FGF18: variants seen among roughly 807,000 people sequenced by gnomAD.
The protein encoded by FGF18 is fibroblast growth factor 18.
FGF18 carries 5 observed loss-of-function variants against 23.0 expected under a neutral mutation model. The observed-to-expected ratio is 0.22, with a 90% CI of 0.11 to 0.46. The LOEUF is 0.46. FGF18 is among the 20% of genes least tolerant of loss of function. The pLI, the probability that FGF18 is intolerant of heterozygous loss-of-function variation, is 0.99. For missense variants in FGF18, 180 were observed against 291.6 expected (o/e 0.62, Z 2.79); for synonymous variants, 117 against 118.9 (o/e 0.98, Z 0.10).
chr5:171,441,288 C>A (rs1470338152), intron 3 of FGF18, among the ~76,000 whole-genome samples: 1 of 152,180 alleles, frequency 6.6e-6, no homozygotes, highest in Non-Finnish European at 1.5e-5. Flanking sequence ...CATGTTCCTG[C>A]ACAGCTCAGA....
At chr5:171,446,955 C>T (rs913561995) in intron 3 of FGF18, among the ~76,000 whole-genome samples, 2 of 152,014 alleles carry the variant, frequency 1.3e-5, no homozygotes, top group African/African-American at 4.8e-5. Context: ...TGCTCCTCCA[C>T]CCTTGCAGAC....
chr5:171,420,773 G>C (rs1022503748), intron 2 of FGF18, among the ~76,000 whole-genome samples: 1 of 152,254 alleles, frequency 6.6e-6, no homozygotes, highest in Non-Finnish European at 1.5e-5. Context: ...GCCAGCGAGG[G>C]GTAGGACCTA....
In FGF18 at chr5:171,456,429, G is replaced by A; in HGVS notation, c.358-110G>A. On this transcript the variant is annotated intron_variant, in intron 4 of 4. Transcript: ENST00000274625. The surrounding 1 kb of genome is among the most constrained non-coding windows in gnomAD (Gnocchi z 6.1). ...TCCCCCACTGCAAAACTTCATTACAGTTGTCCCTACAACAATCGCAATGGT... is the reference window on the plus strand; with the variant it reads ...TCCCCCACTGCAAAACTTCATTACAATTGTCCCTACAACAATCGCAATGGT... 9.1e-7 allele frequency: 1 copy of A among 1,101,238 alleles called. No homozygotes were observed. Among genetic ancestry groups the A allele is most frequent in the Non-Finnish European group, 1.3e-6 (1 of 770,422 alleles). The allele number at this position is 1,101,238 out of a possible 1,614,324, so 68.2% of individuals were successfully genotyped here.
At chr5:171,454,471 C>T (rs1468519484) in intron 4 of FGF18, among the ~76,000 whole-genome samples, 6 of 152,196 alleles carry the variant, frequency 3.9e-5, no homozygotes, top group African/African-American at 9.7e-5. Flanking sequence ...AGTAGACCTT[C>T]GCTGCTCACG....
chr5:171,442,841 C>T (rs948373704), intron 3 of FGF18, among the ~76,000 whole-genome samples: 9 of 152,206 alleles, frequency 5.9e-5, no homozygotes, highest in African/African-American at 1.9e-4. Flanking sequence ...TGGGATTAGT[C>T]AACCAATCAA....
intron 4 of FGF18, among the ~76,000 whole-genome samples, chr5:171,452,321 A>G (rs1364164191): frequency 1.3e-5 from 2 of 151,884 alleles, no homozygotes; most frequent in Non-Finnish European, 2.9e-5. Flanking sequence ...TCCAGTGCCA[A>G]CTCCTTTGGA....
At chr5:171,425,918 C>T (rs1310606554) in intron 2 of FGF18, among the ~76,000 whole-genome samples, 4 of 152,112 alleles carry the variant, frequency 2.6e-5, no homozygotes, top group Non-Finnish European at 4.4e-5. Context: ...AGAGAGGCAC[C>T]GGTGCATAAA....
chr5:171,439,604 C>T (rs984169206), intron 3 of FGF18, among the ~76,000 whole-genome samples: 2 of 152,142 alleles, frequency 1.3e-5, no homozygotes, highest in African/African-American at 4.8e-5. Flanking sequence ...GAGCATCTTG[C>T]AGGGCTGGGG....
At chr5:171,426,311 G>A (rs1269150784) in intron 2 of FGF18, among the ~76,000 whole-genome samples, 2 of 152,244 alleles carry the variant, frequency 1.3e-5, no homozygotes, top group East Asian at 1.9e-4. Flanking sequence ...CTGTGGGAGG[G>A]GAGGTGTTGA....
At chr5:171,420,670 C>A (rs1771991576) in intron 2 of FGF18, among the ~76,000 whole-genome samples, 1 of 152,174 alleles carries the variant, frequency 6.6e-6, no homozygotes, top group Non-Finnish European at 1.5e-5. Context: ...CGCTGGCTGT[C>A]GCGGCCACTG....
chr5:171,437,619 C>T (rs1042972528), intron 3 of FGF18, among the ~76,000 whole-genome samples: 1 of 152,238 alleles, frequency 6.6e-6, no homozygotes, highest in African/African-American at 2.4e-5. Flanking sequence ...TCCCTCCTCC[C>T]CACCTCTCCC....
chr5:171,430,494 A>G lies in FGF18; in HGVS notation c.70-5599A>G, dbSNP rs538765930. Reference sequence around the variant, plus strand: ...CCTGATTAAGAAACAAAACTAAACTAAAGAAAAAAGAGGGCCGGGCGCGGT... The same window carrying G: ...CCTGATTAAGAAACAAAACTAAACTGAAGAAAAAAGAGGGCCGGGCGCGGT... On this transcript the variant is annotated intron_variant, in intron 2 of 4. Coordinates refer to ENST00000274625, the MANE Select transcript of FGF18 (RefSeq NM_003862.3). Among the ~76,000 whole-genome samples, 18 of 151,368 alleles carry G rather than the reference A, an allele frequency of 1.2e-4. No homozygotes were observed. In the East Asian group the frequency reaches 3.5e-3, roughly 29 times the overall value.
chr5:171,428,859 T>G (rs1772136875), intron 2 of FGF18, among the ~76,000 whole-genome samples: 1 of 152,180 alleles, frequency 6.6e-6, no homozygotes, highest in Non-Finnish European at 1.5e-5. Context: ...GTTGGCTGCC[T>G]GCAGCAGCGG....
At chr5:171,448,496 C>T (rs1581278829) in intron 3 of FGF18, among the ~76,000 whole-genome samples, 1 of 152,184 alleles carries the variant, frequency 6.6e-6, no homozygotes, top group African/African-American at 2.4e-5. Flanking sequence ...AATAGCTTGA[C>T]GTCCTGAAAG....
chr5:171,419,744 C>T lies in FGF18; in HGVS notation c.-456C>T, dbSNP rs922849846. 3.3e-5 allele frequency: 5 copies of T among 151,498 alleles called. No homozygotes were observed. The highest frequency in any genetic ancestry group is 5.9e-5 in the Non-Finnish European group (4 of 67,824). The allele number at this position is 151,498 out of a possible 1,614,324, so 9.4% of individuals were successfully genotyped here. Reference sequence around the variant, plus strand: ...GGCCGTGACGCTTTCGCGCTGCAGCCGCGCGCCCCGACCCCGGAGCGCTGA... The same window carrying T: ...GGCCGTGACGCTTTCGCGCTGCAGCTGCGCGCCCCGACCCCGGAGCGCTGA... On this transcript the variant is annotated 5_prime_UTR_variant, in exon 1 of 5. Coordinates refer to ENST00000274625, the MANE Select transcript of FGF18 (RefSeq NM_003862.3).
intron 4 of FGF18, among the ~76,000 whole-genome samples, chr5:171,452,207 G>A (rs1296671491): frequency 6.6e-6 from 1 of 152,188 alleles, no homozygotes; most frequent in African/African-American, 2.4e-5. Context: ...TGATAATCTG[G>A]GCACTTAGTA....
At chr5:171,429,833 A>G (rs1434089501) in intron 2 of FGF18, among the ~76,000 whole-genome samples, 1 of 152,224 alleles carries the variant, frequency 6.6e-6, no homozygotes, top group Non-Finnish European at 1.5e-5. Context: ...TTTGTGGACA[A>G]TATTCCAACC....
intron 3 of FGF18, among the ~76,000 whole-genome samples, chr5:171,444,758 C>CTCCCTGAATTTCAT (rs1200192100): frequency 1.3e-5 from 2 of 152,198 alleles, no homozygotes; most frequent in Non-Finnish European, 2.9e-5. Flanking sequence ...GCCACTTCAC[C>CTCCCTGAATTTCAT]TCCCTGAATT....
chr5:171,444,444 G>C (rs1374656064), intron 3 of FGF18, among the ~76,000 whole-genome samples: 1 of 152,182 alleles, frequency 6.6e-6, no homozygotes, highest in South Asian at 2.1e-4. Context: ...ATGAGATAAT[G>C]CATGTAAGGT....
Sources: gnomAD v4.1 joint callset for allele counts (sites outside exome capture counted in the v4.1 genomes callset) on GRCh38, gnomAD v4.1.1 for gene constraint, Gnocchi (gnomAD v3.1) non-coding constraint, MANE v1.5 for transcripts, NCBI Gene and HGNC (gene_info 2026-07-23, HGNC 2026-07-21) for gene names.